The following SCHIP1 variants were observed in gnomAD, a reference collection of about 807,000 sequenced individuals.
The protein encoded by SCHIP1 is schwannomin interacting protein 1.
SCHIP1 carries 8 observed loss-of-function variants against 29.7 expected under a neutral mutation model. That is an observed-to-expected ratio of 0.27 (90% CI 0.16 to 0.49). SCHIP1 has a LOEUF of 0.49. Among genes scored for constraint, SCHIP1 ranks in the 20% least tolerant of loss-of-function variants. The probability of loss-of-function intolerance (pLI) is 0.99; values close to 1 mark genes in which losing one functional copy is unlikely to be tolerated. For synonymous variants in SCHIP1, 76 were observed against 94.9 expected (o/e 0.80, Z 1.16); for missense variants, 193 against 294.6 (o/e 0.66, Z 2.52).
chr3:159,508,658 G>A, the SCHIP1 span, among the ~76,000 whole-genome samples: 1 of 152,118 alleles, frequency 6.6e-6, no homozygotes, highest in Non-Finnish European at 1.5e-5. Flanking sequence ...AGAGATTCTG[G>A]TATGTTGTGT....
the SCHIP1 span, among the ~76,000 whole-genome samples, chr3:159,701,613 A>G: frequency 6.6e-6 from 1 of 152,130 alleles, no homozygotes; most frequent in Non-Finnish European, 1.5e-5. Flanking sequence ...CTGGTTCTAT[A>G]TATTTTCTAT....
the SCHIP1 span, among the ~76,000 whole-genome samples, chr3:159,507,312 G>C: frequency 1.5e-4 from 23 of 152,244 alleles, 1 homozygote; most frequent in African/African-American, 4.8e-4. Flanking sequence ...TTTGCACATT[G>C]ATTTTGTATC....
At chr3:159,830,985 A>T in the SCHIP1 span, among the ~76,000 whole-genome samples, 1 of 152,206 alleles carries the variant, frequency 6.6e-6, no homozygotes, top group Non-Finnish European at 1.5e-5. Context: ...TATGAACCAC[A>T]GTTGAGGTTT....
At chr3:159,474,547 C>T in the SCHIP1 span, among the ~76,000 whole-genome samples, 13 of 152,166 alleles carry the variant, frequency 8.5e-5, no homozygotes, top group East Asian at 5.8e-4. Context: ...TCTCTCTAAA[C>T]GGTATCCAGA....
At chr3:159,405,506 T>C in the SCHIP1 span, among the ~76,000 whole-genome samples, 1 of 152,194 alleles carries the variant, frequency 6.6e-6, no homozygotes, top group East Asian at 1.9e-4. Context: ...ATTGACATAC[T>C]GAAGAACACA....
At chr3:159,495,480 C>G in the SCHIP1 span, among the ~76,000 whole-genome samples, 6 of 152,222 alleles carry the variant, frequency 3.9e-5, 1 homozygote, top group African/African-American at 1.4e-4. Flanking sequence ...AACAGAGAGC[C>G]AAATCATGAG....
chr3:159,506,268 A>T, the SCHIP1 span, among the ~76,000 whole-genome samples: 9 of 152,212 alleles, frequency 5.9e-5, no homozygotes, highest in South Asian at 2.1e-4. Context: ...TAAATGTCTT[A>T]TTTGAGAAGT....
chr3:159,476,040 A>G, the SCHIP1 span, among the ~76,000 whole-genome samples: 1 of 152,180 alleles, frequency 6.6e-6, no homozygotes, highest in East Asian at 1.9e-4. Context: ...GGGCCTGGTT[A>G]GGATGTAGAA....
chr3:159,400,172 G>T, the SCHIP1 span, among the ~76,000 whole-genome samples: 3 of 152,026 alleles, frequency 2.0e-5, no homozygotes, highest in Non-Finnish European at 4.4e-5. Context: ...GTCATTTCTA[G>T]GAAGAAAAAA....
the SCHIP1 span, among the ~76,000 whole-genome samples, chr3:159,751,701 T>G: frequency 6.6e-6 from 1 of 152,040 alleles, no homozygotes; most frequent in East Asian, 1.9e-4. Flanking sequence ...CCCGCCACCA[T>G]GCCCAGCTAA....
chr3:159,868,909 C>G (rs1275747397), intron 2 of SCHIP1, among the ~76,000 whole-genome samples: 1 of 152,028 alleles, frequency 6.6e-6, no homozygotes, highest in Non-Finnish European at 1.5e-5. Context: ...TATACTCCTA[C>G]CAGCAATGTT....
At chr3:159,689,688 G>C in the SCHIP1 span, among the ~76,000 whole-genome samples, 2 of 152,212 alleles carry the variant, frequency 1.3e-5, no homozygotes, top group Admixed American at 1.3e-4. Context: ...TTTTCAAAGA[G>C]AATGCTTCCA....
At chr3:159,870,555 C>G (rs1037890028) in intron 2 of SCHIP1, among the ~76,000 whole-genome samples, 1 of 151,808 alleles carries the variant, frequency 6.6e-6, no homozygotes, top group Non-Finnish European at 1.5e-5. Context: ...AATATTAAAC[C>G]ATGCTAGCAT....
chr3:159,794,357 G>T, the SCHIP1 span, among the ~76,000 whole-genome samples: 1 of 152,080 alleles, frequency 6.6e-6, no homozygotes, highest in Non-Finnish European at 1.5e-5. Context: ...AGATTTTCAG[G>T]TGCTTTAATA....
chr3:159,588,706 A>G, the SCHIP1 span, among the ~76,000 whole-genome samples: 8 of 152,184 alleles, frequency 5.3e-5, no homozygotes, highest in African/African-American at 1.9e-4. Context: ...TCCCAGCACC[A>G]TTTGTTGAAT....
the SCHIP1 span, among the ~76,000 whole-genome samples, chr3:159,407,266 G>A: frequency 6.6e-6 from 1 of 152,182 alleles, no homozygotes; most frequent in East Asian, 1.9e-4. Flanking sequence ...TGGATTTTGA[G>A]ACAAAGCCTA....
At chr3:159,425,564 G>C in the SCHIP1 span, among the ~76,000 whole-genome samples, 1 of 152,128 alleles carries the variant, frequency 6.6e-6, no homozygotes, top group Admixed American at 6.5e-5. Flanking sequence ...GACCTACAAA[G>C]AGACTTAGAC....
At chr3:159,786,326 A>G in the SCHIP1 span, among the ~76,000 whole-genome samples, 1 of 152,222 alleles carries the variant, frequency 6.6e-6, no homozygotes, top group Admixed American at 6.5e-5. Flanking sequence ...CATCTATGAT[A>G]CCCTTATTGT....
the SCHIP1 span, among the ~76,000 whole-genome samples, chr3:159,360,329 C>T: frequency 4.6e-5 from 7 of 152,148 alleles, no homozygotes; most frequent in African/African-American, 1.7e-4. Flanking sequence ...CAGTTGCATG[C>T]ATTTTATTTA....
Sources: gnomAD v4.1 joint callset for allele counts (sites outside exome capture counted in the v4.1 genomes callset) on GRCh38, gnomAD v4.1.1 for gene constraint, MANE v1.5 for transcripts, NCBI Gene and HGNC (gene_info 2026-07-23, HGNC 2026-07-21) for gene names.